The following BORA variants were observed in gnomAD, a reference collection of about 807,000 sequenced individuals.
The protein encoded by BORA is BORA aurora kinase A activator.
BORA carries 26 observed loss-of-function variants against 55.8 expected under a neutral mutation model. That is an observed-to-expected ratio of 0.47 (90% CI 0.34 to 0.65). BORA has a LOEUF of 0.65. Ranked by LOEUF, BORA falls within the 30% of genes least tolerant of loss-of-function variation. The pLI is 0.01. For missense variants in BORA, 568 were observed against 671.5 expected, an observed-to-expected ratio of 0.85 and a Z score of 1.70; for synonymous variants, 201 against 216.9, an observed-to-expected ratio of 0.93 and a Z score of 0.64.
At chr13:72,750,977 G>C (rs568014355) in intron 10 of BORA, among the ~76,000 whole-genome samples, 2 of 152,218 alleles carry the variant, frequency 1.3e-5, no homozygotes, top group Non-Finnish European at 2.9e-5. Context: ...AAGAACATGG[G>C]CTTGGGAAAC....
chr13:72,732,137 G>A (rs778026442), intron 3 of BORA, among the ~76,000 whole-genome samples: 8 of 152,098 alleles, frequency 5.3e-5, no homozygotes, highest in Non-Finnish European at 1.0e-4. Flanking sequence ...CTGTCCTAAG[G>A]TAGACATGTT....
At chr13:72,749,523 TCTC>T (rs1221245690) in intron 10 of BORA, among the ~76,000 whole-genome samples, 2 of 151,662 alleles carry the variant, frequency 1.3e-5, no homozygotes, top group Admixed American at 6.6e-5. Context: ...TTTTTTTAAA[TCTC>T]CTTTTTTGAA....
chr13:72,753,924 A>T (rs2033356866), intron 11 of BORA, 103 bp downstream of exon 11: 1 of 1,173,950 alleles, frequency 8.5e-7, no homozygotes. Context: ...TATGAAATTT[A>T]AAACACTAAA....
At chr13:72,738,160 A>G (rs999193349) in intron 5 of BORA, 117 bp downstream of exon 5, 2 of 557,196 alleles carry the variant, frequency 3.6e-6, no homozygotes, top group Non-Finnish European at 5.7e-6. Flanking sequence ...AATTCTGGAT[A>G]ACATAGAATT....
At chr13:72,730,936 C>T (rs949076264) in intron 2 of BORA, among the ~76,000 whole-genome samples, 17 of 148,298 alleles carry the variant, frequency 1.1e-4, no homozygotes, top group Non-Finnish European at 2.2e-4. Context: ...GGTGTGGTGG[C>T]GGGTGCCTGT....
chr13:72,739,102 G>A (rs554675634), intron 5 of BORA, among the ~76,000 whole-genome samples: 6 of 152,084 alleles, frequency 3.9e-5, no homozygotes, highest in Admixed American at 1.3e-4. Flanking sequence ...TTTTATTTGT[G>A]AAATAAAAGG....
intron 6 of BORA, 66 bp downstream of exon 6, chr13:72,743,668 G>C: frequency 8.5e-7 from 1 of 1,179,252 alleles, no homozygotes; most frequent in Non-Finnish European, 1.2e-6. Flanking sequence ...TCTAAACCCA[G>C]TTCAGGTAGT....
intron 3 of BORA, among the ~76,000 whole-genome samples, chr13:72,734,013 T>C (rs557943901): frequency 1.3e-5 from 2 of 152,156 alleles, no homozygotes; most frequent in African/African-American, 2.4e-5. Flanking sequence ...GATGAGAGCA[T>C]GTGGACATAT....
chr13:72,731,152 C>T (rs2032807105), intron 2 of BORA, 129 bp from the exon 3 acceptor site: 1 of 630,190 alleles, frequency 1.6e-6, no homozygotes, highest in African/African-American at 1.9e-5. Context: ...ATGGTAAAGT[C>T]AAATTTTAAA....
At chr13:72,751,079 A>C (rs959568866) in intron 10 of BORA, among the ~76,000 whole-genome samples, 2 of 152,182 alleles carry the variant, frequency 1.3e-5, no homozygotes, top group Non-Finnish European at 2.9e-5. Context: ...CCTCTTCTTT[A>C]AATGGGGATA....
At chr13:72,744,119 A>G (rs2033093035) in intron 6 of BORA, among the ~76,000 whole-genome samples, 1 of 152,192 alleles carries the variant, frequency 6.6e-6, no homozygotes, top group Non-Finnish European at 1.5e-5. Flanking sequence ...AGATGCATCC[A>G]GCCATGTTTT....
At position 72,756,195 on chromosome 13, in the gene BORA, A is replaced by C. The variant is rs1488708071; in HGVS notation, c.*979A>C. On this transcript the variant is annotated 3_prime_UTR_variant, in exon 12 of 12. Transcript: ENST00000390667. ...AAAGGGAATAAAGACCTGTGTTATC[A>C]ATGTGTCATTTTCTTCTTTCCTCCA... 1 of 49,318 alleles carries C rather than the reference A, an allele frequency of 2.0e-5. No individual in the cohort carries two copies. Among genetic ancestry groups the C allele is most frequent in the African/African-American group, 1.9e-4 (1 of 5,168 alleles). 3.1% of individuals were successfully genotyped at this position (49,318 alleles called of 1,614,324 possible).
intron 3 of BORA, 21 bp downstream of exon 3, chr13:72,731,408 C>G (rs1373956469): frequency 6.7e-7 from 1 of 1,489,696 alleles, no homozygotes; most frequent in Non-Finnish European, 9.3e-7. Context: ...CTTTCTTGCA[C>G]CTAAGTCTAA....
At chr13:72,746,223 A>C (rs2033138023) in intron 9 of BORA, 147 bp downstream of exon 9, 1 of 889,674 alleles carries the variant, frequency 1.1e-6, no homozygotes, top group African/African-American at 1.7e-5. Context: ...TAAATAAAAG[A>C]ACAGTTTACC....
intron 5 of BORA, among the ~76,000 whole-genome samples, chr13:72,739,040 T>A (rs901524939): frequency 4.6e-5 from 7 of 152,216 alleles, no homozygotes; most frequent in African/African-American, 1.7e-4. Context: ...CCTCCTACTT[T>A]TATAAACCAG....
At chr13:72,731,218 G>C (rs1461454364) in intron 2 of BORA, 63 bp from the exon 3 acceptor site, 8 of 925,410 alleles carry the variant, frequency 8.6e-6, no homozygotes, top group Non-Finnish European at 1.4e-5. Context: ...TCTCACATAG[G>C]TTAGCATTTT....
At chr13:72,753,864 G>A (rs759715494) in intron 11 of BORA, 43 bp downstream of exon 11, 3 of 1,523,214 alleles carry the variant, frequency 2.0e-6, no homozygotes, top group Non-Finnish European at 1.8e-6. Context: ...GTTTAGATTA[G>A]AAATATAAAA....
chr13:72,750,829 C>T (rs2138103790), intron 10 of BORA, among the ~76,000 whole-genome samples: 2 of 152,150 alleles, frequency 1.3e-5, no homozygotes, highest in South Asian at 2.1e-4. Flanking sequence ...AATGAGGGAA[C>T]TGAGGCATGC....
chr13:72,732,651 T>G (rs1438371122), intron 3 of BORA, among the ~76,000 whole-genome samples: 1 of 152,064 alleles, frequency 6.6e-6, no homozygotes, highest in Non-Finnish European at 1.5e-5. Context: ...CACTCTAGCC[T>G]GGGGGACAGA....
Sources: allele counts gnomAD v4.1 joint callset (sites outside exome capture counted in the v4.1 genomes callset), GRCh38; gene constraint gnomAD v4.1.1; transcripts MANE v1.5; gene names NCBI Gene and HGNC (gene_info 2026-07-23, HGNC 2026-07-21).